The following TNFRSF19 variants were observed in gnomAD, a reference collection of about 807,000 sequenced individuals.
TNFRSF19 encodes the protein TNF receptor superfamily member 19, also known as tumor necrosis factor receptor superfamily member 19.
A neutral mutation model predicts 46.4 loss-of-function variants in TNFRSF19; 27 were observed. The observed-to-expected ratio is 0.58, with a 90% CI of 0.43 to 0.80. The LOEUF (loss-of-function observed/expected upper bound fraction) is 0.80, where lower values mean the gene tolerates loss of function less well. TNFRSF19 is among the 30% of genes least tolerant of loss of function. The pLI, the probability that TNFRSF19 is intolerant of heterozygous loss-of-function variation, is 0.00. For missense variants in TNFRSF19, 511 were observed against 530.8 expected (o/e 0.96, Z 0.37); for synonymous variants, 204 against 205.0 (o/e 1.00, Z 0.04).
intron 5 of TNFRSF19, among the ~76,000 whole-genome samples, chr13:23,645,465 G>T (rs4770471): frequency 2.0e-5 from 3 of 152,028 alleles, no homozygotes; most frequent in South Asian, 4.1e-4. Context: ...GCCTCCCAAA[G>T]TGCTGGGATT....
chr13:23,654,044 G>GA (rs560902438), intron 5 of TNFRSF19, among the ~76,000 whole-genome samples: 2 of 152,092 alleles, frequency 1.3e-5, no homozygotes, highest in Admixed American at 1.3e-4. Context: ...TAAGAGCTGT[G>GA]AAAAAAAGTC....
At chr13:23,625,468 A>G (rs1336543485) in intron 4 of TNFRSF19, among the ~76,000 whole-genome samples, 2 of 151,622 alleles carry the variant, frequency 1.3e-5, no homozygotes, top group Non-Finnish European at 2.9e-5. Flanking sequence ...AGCTGGGACT[A>G]CAGGCGCCCG....
intron 1 of TNFRSF19, among the ~76,000 whole-genome samples, chr13:23,586,279 A>G (rs1467578747): frequency 6.7e-6 from 1 of 149,270 alleles, no homozygotes; most frequent in South Asian, 2.1e-4. Flanking sequence ...AAAAAAAAGA[A>G]AAGACATGCT....
At chr13:23,640,991 C>T (rs1883007323) in intron 5 of TNFRSF19, among the ~76,000 whole-genome samples, 1 of 152,110 alleles carries the variant, frequency 6.6e-6, no homozygotes, top group Non-Finnish European at 1.5e-5. Context: ...TTAATAAGTC[C>T]AAACCCAGGT....
At chr13:23,614,444 T>C (rs909054366) in intron 3 of TNFRSF19, among the ~76,000 whole-genome samples, 3 of 152,180 alleles carry the variant, frequency 2.0e-5, no homozygotes, top group Non-Finnish European at 4.4e-5. Context: ...GATGAAGAAA[T>C]TAAAATATGT....
At chr13:23,653,325 A>C in intron 5 of TNFRSF19, among the ~76,000 whole-genome samples, 1 of 152,248 alleles carries the variant, frequency 6.6e-6, no homozygotes, top group East Asian at 1.9e-4. Flanking sequence ...ACCTAGCTTA[A>C]CGACGAGCCT....
At chr13:23,576,075 C>T (rs1362341855) in intron 1 of TNFRSF19, among the ~76,000 whole-genome samples, 1 of 151,974 alleles carries the variant, frequency 6.6e-6, no homozygotes, top group African/African-American at 2.4e-5. Flanking sequence ...AAGTAAAATG[C>T]TCCCAGTCCT....
chr13:23,670,396 G>A (rs1361165713), intron 9 of TNFRSF19, among the ~76,000 whole-genome samples: 1 of 152,072 alleles, frequency 6.6e-6, no homozygotes, highest in African/African-American at 2.4e-5. Flanking sequence ...GCTTTGGAGG[G>A]AAAAAATTGG....
intron 7 of TNFRSF19, among the ~76,000 whole-genome samples, chr13:23,667,388 G>A (rs1162009529): frequency 6.6e-6 from 1 of 152,096 alleles, no homozygotes; most frequent in African/African-American, 2.4e-5. Flanking sequence ...AAGAAATGGT[G>A]TGTCTGTGTA....
chr13:23,595,839 A>G (rs1879681252), intron 3 of TNFRSF19, among the ~76,000 whole-genome samples: 1 of 152,180 alleles, frequency 6.6e-6, no homozygotes, highest in Non-Finnish European at 1.5e-5. Context: ...TAAAGGAAAA[A>G]ATGTTAAGGG....
chr13:23,652,527 TG>T (rs1396477509), intron 5 of TNFRSF19, among the ~76,000 whole-genome samples: 1 of 152,232 alleles, frequency 6.6e-6, no homozygotes, highest in Non-Finnish European at 1.5e-5. Flanking sequence ...AGTTTTTGTT[TG>T]ATATTCATTC....
At chr13:23,590,038 CAAAT>C (rs1370364889) in intron 1 of TNFRSF19, 108 bp from the exon 2 acceptor site, 6 of 445,792 alleles carry the variant, frequency 1.3e-5, no homozygotes, top group Non-Finnish European at 1.2e-5. Flanking sequence ...TTTTAAAACA[CAAAT>C]AATATTTATT....
At chr13:23,661,804 C>CT (rs1593297538) in intron 7 of TNFRSF19, among the ~76,000 whole-genome samples, 3 of 152,152 alleles carry the variant, frequency 2.0e-5, no homozygotes, top group East Asian at 1.9e-4. Context: ...TGCTGTTGAG[C>CT]TTTTTTTCAT....
chr13:23,661,548 G>A (rs1490290743), intron 7 of TNFRSF19, among the ~76,000 whole-genome samples: 1 of 152,162 alleles, frequency 6.6e-6, no homozygotes, highest in African/African-American at 2.4e-5. Context: ...ATTCCTCTGG[G>A]TATAAACCCA....
intron 3 of TNFRSF19, among the ~76,000 whole-genome samples, chr13:23,610,489 C>A (rs2138238599): frequency 6.6e-6 from 1 of 152,082 alleles, no homozygotes; most frequent in African/African-American, 2.4e-5. Context: ...GCTGCTGACC[C>A]CACTCCACCC....
At chr13:23,616,359 C>T (rs1593258563) in intron 4 of TNFRSF19, among the ~76,000 whole-genome samples, 1 of 152,230 alleles carries the variant, frequency 6.6e-6, no homozygotes, top group Non-Finnish European at 1.5e-5. Flanking sequence ...GAACAAGCAA[C>T]CCACAAAAGA....
chr13:23,627,260 C>T (rs900575404), intron 5 of TNFRSF19, among the ~76,000 whole-genome samples: 1 of 152,134 alleles, frequency 6.6e-6, no homozygotes, highest in Admixed American at 6.5e-5. Context: ...CTAAATGGAA[C>T]TTAGTTCACT....
chr13:23,577,332 G>A (rs1022398259), intron 1 of TNFRSF19, among the ~76,000 whole-genome samples: 1 of 152,224 alleles, frequency 6.6e-6, no homozygotes, highest in South Asian at 2.1e-4. Flanking sequence ...GACAAAAGGA[G>A]GTCAGAGAGA....
chr13:23,581,089 A>C (rs751779086), intron 1 of TNFRSF19, among the ~76,000 whole-genome samples: 50 of 151,554 alleles, frequency 3.3e-4, no homozygotes, highest in Admixed American at 7.9e-4. Context: ...AGCATTATGC[A>C]CTGGAAATTG....
Sources: allele counts gnomAD v4.1 joint callset (sites outside exome capture counted in the v4.1 genomes callset), GRCh38; gene constraint gnomAD v4.1.1; transcripts MANE v1.5; gene names NCBI Gene and HGNC (gene_info 2026-07-23, HGNC 2026-07-21).